UNC5D: variants seen among roughly 807,000 people sequenced by gnomAD.
UNC5D encodes the protein unc-5 netrin receptor D, also known as netrin receptor UNC5D.
UNC5D carries 39 observed loss-of-function variants against 105.4 expected under a neutral mutation model. The observed-to-expected ratio is 0.37, with a 90% CI of 0.29 to 0.48. UNC5D has a LOEUF of 0.48. Ranked by LOEUF, UNC5D falls within the 20% of genes least tolerant of loss-of-function variation. The pLI, the probability that UNC5D is intolerant of heterozygous loss-of-function variation, is 0.98. For missense variants in UNC5D, 991 were observed against 1,202.4 expected (o/e 0.82, Z 2.60); for synonymous variants, 452 against 450.4 (o/e 1.00, Z -0.04).
At chr8:35,541,738 T>C (rs1258678324) in intron 1 of UNC5D, among the ~76,000 whole-genome samples, 5 of 152,238 alleles carry the variant, frequency 3.3e-5, no homozygotes, top group African/African-American at 9.6e-5. Flanking sequence ...ATTATTTATC[T>C]CTATTTTTAG....
At chr8:35,334,863 T>C (rs1003595688) in intron 1 of UNC5D, among the ~76,000 whole-genome samples, 68 of 152,128 alleles carry the variant, frequency 4.5e-4, no homozygotes, top group African/African-American at 1.6e-3. Flanking sequence ...TTGACTGATA[T>C]TGTCAGGTGT....
intron 3 of UNC5D, among the ~76,000 whole-genome samples, chr8:35,584,606 TTTTG>T (rs142858924): frequency 3.2e-4 from 49 of 151,398 alleles, no homozygotes; most frequent in East Asian, 1.4e-3. Context: ...GTTTTCCTGG[TTTTG>T]TTTGTTTGTT....
At chr8:35,281,153 T>G (rs1279136510) in intron 1 of UNC5D, among the ~76,000 whole-genome samples, 1 of 152,110 alleles carries the variant, frequency 6.6e-6, no homozygotes, top group Non-Finnish European at 1.5e-5. Flanking sequence ...GTGGGCAAAC[T>G]CCTCTCTATA....
At chr8:35,511,491 A>G (rs974786573) in intron 1 of UNC5D, among the ~76,000 whole-genome samples, 1 of 150,868 alleles carries the variant, frequency 6.6e-6, no homozygotes, top group East Asian at 1.9e-4. Flanking sequence ...AAAAAAAAAA[A>G]AAAAGGTCTT....
intron 1 of UNC5D, among the ~76,000 whole-genome samples, chr8:35,413,210 T>C (rs1805289201): frequency 6.6e-6 from 1 of 151,336 alleles, no homozygotes; most frequent in Non-Finnish European, 1.5e-5. Context: ...GCATCTTAGA[T>C]TTCTGAAGGC....
intron 3 of UNC5D, among the ~76,000 whole-genome samples, chr8:35,582,466 T>C (rs1263311268): frequency 6.6e-6 from 1 of 152,180 alleles, no homozygotes; most frequent in Admixed American, 6.5e-5. Flanking sequence ...TCTGGCAAGA[T>C]TGGCTTAAGG....
intron 1 of UNC5D, among the ~76,000 whole-genome samples, chr8:35,388,580 A>G (rs1803581017): frequency 6.6e-6 from 1 of 152,224 alleles, no homozygotes; most frequent in South Asian, 2.1e-4. Context: ...TTATATGGTC[A>G]AACAGATCAC....
At chr8:35,507,146 C>T (rs1250077332) in intron 1 of UNC5D, among the ~76,000 whole-genome samples, 1 of 147,546 alleles carries the variant, frequency 6.8e-6, no homozygotes, top group Non-Finnish European at 1.5e-5. Flanking sequence ...AGCTCCGCCT[C>T]CCGGGTTCAC....
rs542789949 is a variant in UNC5D, at chr8:35,520,167, A to T, written c.104-29125A>T. On this transcript the variant is annotated intron_variant, in intron 1 of 16. Coordinates refer to ENST00000404895, the MANE Select transcript of UNC5D (RefSeq NM_080872.4). ...AATAGATAAAATGTCCCAAATGCCTATCCACTGATGAATGAAAAAGCCAAG... is the reference window on the plus strand; with the variant it reads ...AATAGATAAAATGTCCCAAATGCCTTTCCACTGATGAATGAAAAAGCCAAG... Among the ~76,000 whole-genome samples, 11 of 152,302 alleles carry T rather than the reference A, an allele frequency of 7.2e-5. No homozygotes were observed. In the East Asian group the frequency reaches 2.1e-3, roughly 29 times the overall value.
intron 1 of UNC5D, among the ~76,000 whole-genome samples, chr8:35,493,224 C>T (rs2978596): frequency 7.9e-6 from 1 of 125,870 alleles, no homozygotes; most frequent in Non-Finnish European, 1.6e-5. Flanking sequence ...TAAATTTGTT[C>T]TTATTCATAC....
intron 1 of UNC5D, among the ~76,000 whole-genome samples, chr8:35,266,983 A>T (rs1487166562): frequency 6.6e-6 from 1 of 152,118 alleles, no homozygotes; most frequent in Non-Finnish European, 1.5e-5. Context: ...GGAAGCTATC[A>T]TGAGGCGACC....
chr8:35,364,080 T>C (rs1450594110), intron 1 of UNC5D, among the ~76,000 whole-genome samples: 1 of 152,120 alleles, frequency 6.6e-6, no homozygotes, highest in Non-Finnish European at 1.5e-5. Context: ...TTGGGAGAAC[T>C]GCTTGAACCC....
At chr8:35,395,151 C>A (rs1002314307) in intron 1 of UNC5D, among the ~76,000 whole-genome samples, 1 of 152,182 alleles carries the variant, frequency 6.6e-6, no homozygotes, top group African/African-American at 2.4e-5. Context: ...GCTTTGGGAA[C>A]TTCAGGTTGG....
intron 1 of UNC5D, among the ~76,000 whole-genome samples, chr8:35,241,192 C>A (rs745675042): frequency 6.6e-6 from 1 of 152,196 alleles, no homozygotes; most frequent in African/African-American, 2.4e-5. Flanking sequence ...AATAGATATT[C>A]GTTCTATTTT....
chr8:35,375,556 A>ATAC (rs112943505), intron 1 of UNC5D, among the ~76,000 whole-genome samples: 1 of 152,026 alleles, frequency 6.6e-6, no homozygotes, highest in East Asian at 1.9e-4. Flanking sequence ...CCATACAATA[A>ATAC]TAGTAACAAA....
At position 35,657,080 on chromosome 8, in the gene UNC5D, GTATATATATATATATATA is replaced by G. The variant is rs3077002; in HGVS notation, c.571-26441_571-26424del. ...TGTGTGTGTGTGTGTGTGTGTGTGT[GTATATATATATATATATA>G]TATATATATATATATATATATATAT... On this transcript the variant is annotated intron_variant, in intron 4 of 16. Coordinates refer to ENST00000404895, the MANE Select transcript of UNC5D (RefSeq NM_080872.4). Among the ~76,000 whole-genome samples the G allele has an allele frequency of 2.1e-3, 96 of 46,520 alleles. 2 individuals carry two copies. The South Asian group carries it at 0.022, about 10-fold the overall frequency. 30.5% of individuals were successfully genotyped at this position (46,520 alleles called of 152,430 possible). A position where few individuals can be genotyped will look rare whatever the true frequency, so the allele number is the denominator to read the frequency against.
chr8:35,649,601 A>G (rs1446199980), intron 4 of UNC5D, among the ~76,000 whole-genome samples: 1 of 152,202 alleles, frequency 6.6e-6, no homozygotes, highest in Non-Finnish European at 1.5e-5. Context: ...CTGACCGTGG[A>G]GAAACCTGGA....
At chr8:35,626,574 G>A (rs1258818418) in intron 4 of UNC5D, among the ~76,000 whole-genome samples, 1 of 152,184 alleles carries the variant, frequency 6.6e-6, no homozygotes, top group African/African-American at 2.4e-5. Context: ...GCTTATTTGG[G>A]TTCAAAGCTG....
At chr8:35,705,244 G>C (rs528741635) in intron 7 of UNC5D, among the ~76,000 whole-genome samples, 1 of 152,126 alleles carries the variant, frequency 6.6e-6, no homozygotes, top group African/African-American at 2.4e-5. Context: ...GATTATAGGC[G>C]TGAGCCACCC....
Sources: allele counts gnomAD v4.1 joint callset (sites outside exome capture counted in the v4.1 genomes callset), GRCh38; gene constraint gnomAD v4.1.1; transcripts MANE v1.5; gene names NCBI Gene and HGNC (gene_info 2026-07-23, HGNC 2026-07-21).